HMHB1: variants seen among roughly 807,000 people sequenced by gnomAD.
The protein encoded by HMHB1 is minor histocompatibility protein HB-1.
Under a neutral mutation model 2.4 loss-of-function variants are expected in HMHB1, and 4 were observed. That is an observed-to-expected ratio of 1.65 (90% CI 0.81 to 3.77). HMHB1 has a LOEUF of 3.77. Ranked by LOEUF, HMHB1 falls within the 30% of genes most tolerant of loss-of-function variation. The pLI is 0.01. For synonymous variants in HMHB1, 22 were observed against 17.6 expected (o/e 1.25, Z -0.63); for missense variants, 57 against 44.2 (o/e 1.29, Z -0.82).
intron 1 of HMHB1, among the ~76,000 whole-genome samples, chr5:143,818,054 A>C (rs1759768815): frequency 6.6e-6 from 1 of 152,232 alleles, no homozygotes; most frequent in South Asian, 2.1e-4. Context: ...GATTTTTATC[A>C]GAAATTGACA....
At chr5:143,814,658 C>T (rs1759728740) in intron 1 of HMHB1, among the ~76,000 whole-genome samples, 1 of 152,170 alleles carries the variant, frequency 6.6e-6, no homozygotes, top group South Asian at 2.1e-4. Flanking sequence ...GGGTAATCTT[C>T]AATCGTCTCT....
intron 1 of HMHB1, among the ~76,000 whole-genome samples, chr5:143,816,567 GTATATATATAC>G (rs1214703997): frequency 2.0e-5 from 3 of 152,078 alleles, no homozygotes; most frequent in African/African-American, 7.2e-5. Flanking sequence ...GTATTCCATT[GTATATATATAC>G]CACAGTTTCT....
In HMHB1 at chr5:143,812,271, G is replaced by C. The variant is rs1297555825; in HGVS notation, c.4G>C (p.Glu2Gln). The C allele has an allele frequency of 8.4e-6, 13 of 1,551,662 alleles. No individual in the cohort carries two copies. The highest frequency in any genetic ancestry group is 9.6e-6 in the Non-Finnish European group (11 of 1,147,030). Residue 2 changes from glutamate (E) to glutamine (Q), a missense_variant, in exon 1 of 2, where the codon GAG becomes CAG. Coordinates refer to ENST00000289448, the MANE Select transcript of HMHB1 (RefSeq NM_021182.3). ...CACCACAGTGGAGAAACCAGAACTGGAGGAGCAGCCAGAATGCAGAGAAGA... is the reference window on the plus strand; with the variant it reads ...CACCACAGTGGAGAAACCAGAACTGCAGGAGCAGCCAGAATGCAGAGAAGA...
chr5:143,814,211 C>A (rs937528760), intron 1 of HMHB1, among the ~76,000 whole-genome samples: 2 of 152,162 alleles, frequency 1.3e-5, no homozygotes, highest in Non-Finnish European at 2.9e-5. Context: ...CAGGCTGCAT[C>A]CAGCCAAATA....
chr5:143,812,769 C>T (rs78743727), intron 1 of HMHB1, among the ~76,000 whole-genome samples: 1,859 of 152,268 alleles, frequency 0.012, 28 homozygotes, highest in African/African-American at 0.033. Flanking sequence ...CATCGCCATG[C>T]TCCCACTTCT....
intron 1 of HMHB1, among the ~76,000 whole-genome samples, chr5:143,814,058 A>G (rs2126792570): frequency 6.6e-6 from 1 of 152,354 alleles, no homozygotes; most frequent in South Asian, 2.1e-4. Flanking sequence ...ATTGAAGATA[A>G]AAATGTTCTA....
rs141717975 is a variant in HMHB1 at position 143,814,014 on chromosome 5, C to G, written c.37+1710C>G. Among the ~76,000 whole-genome samples the G allele has an allele frequency of 9.1e-3, 1,391 of 152,266 alleles. 13 individuals carry two copies. The highest frequency in any genetic ancestry group is 0.014 in the Non-Finnish European group (951 of 68,018). On this transcript the variant is annotated intron_variant, in intron 1 of 1. Coordinates refer to ENST00000289448, the MANE Select transcript of HMHB1 (RefSeq NM_021182.3). ...TTTGTAGCTCCAATTTCATTATTAA[C>G]TGAAATTTCATAGCATCATTCTTAC...
chr5:143,813,562 A>G (rs1027187), intron 1 of HMHB1, among the ~76,000 whole-genome samples: 32,719 of 152,184 alleles, frequency 0.21, 3,670 homozygotes, highest in Admixed American at 0.3. Context: ...TGGGGCCAGC[A>G]TAAGTCAACT....
intron 1 of HMHB1, among the ~76,000 whole-genome samples, chr5:143,819,155 G>T (rs1346300565): frequency 2.6e-5 from 4 of 152,126 alleles, no homozygotes; most frequent in African/African-American, 9.7e-5. Context: ...CACAATTCTT[G>T]ACAGATTTCT....
At chr5:143,813,476 C>A (rs1044855883) in intron 1 of HMHB1, among the ~76,000 whole-genome samples, 5 of 152,198 alleles carry the variant, frequency 3.3e-5, no homozygotes, top group Non-Finnish European at 5.9e-5. Flanking sequence ...TGGCATCTAG[C>A]ACAGTGCTTG....
chr5:143,817,735 G>A (rs1394065383), intron 1 of HMHB1, among the ~76,000 whole-genome samples: 3 of 152,130 alleles, frequency 2.0e-5, no homozygotes, highest in African/African-American at 7.2e-5. Flanking sequence ...TCCTAATTGT[G>A]TGAAGAATGA....
intron 1 of HMHB1, among the ~76,000 whole-genome samples, 162 bp from the exon 2 acceptor site, chr5:143,820,318 T>TAAAA (rs60960654): frequency 0.011 from 505 of 47,568 alleles, 6 homozygotes; most frequent in Non-Finnish European, 0.015. Context: ...TCATCATAAG[T>TAAAA]AAAAAAAAAA....
chr5:143,816,686 G>A lies in HMHB1; in HGVS notation c.38-3794G>A, dbSNP rs557700143. Reference sequence around the variant, plus strand: ...ACATGTGTGTGCAAGTATCTTTTTCGCATAATGACTTCTTTTCCTCTGGGT... The same window carrying A: ...ACATGTGTGTGCAAGTATCTTTTTCACATAATGACTTCTTTTCCTCTGGGT... On this transcript the variant is annotated intron_variant, in intron 1 of 1. Coordinates refer to ENST00000289448, the MANE Select transcript of HMHB1 (RefSeq NM_021182.3). Among the ~76,000 whole-genome samples the A allele has an allele frequency of 1.1e-4, 17 of 152,208 alleles. 1 individual carries two copies. Among genetic ancestry groups the A allele is most frequent in the East Asian group, 3.9e-4 (2 of 5,188 alleles).
intron 1 of HMHB1, among the ~76,000 whole-genome samples, chr5:143,818,681 C>A (rs1354177053): frequency 2.0e-5 from 3 of 152,148 alleles, no homozygotes; most frequent in Non-Finnish European, 4.4e-5. Flanking sequence ...GAAATAACAT[C>A]TTTTTAAAGG....
chr5:143,812,330 CAG>C (rs1395511919), intron 1 of HMHB1, 26 bp downstream of exon 1: 15 of 1,547,696 alleles, frequency 9.7e-6, no homozygotes, highest in Non-Finnish European at 9.6e-6. Flanking sequence ...GGAGGGAGAA[CAG>C]AGAGAGAGGG....
At chr5:143,812,847 G>T (rs1031691496) in intron 1 of HMHB1, among the ~76,000 whole-genome samples, 2 of 152,150 alleles carry the variant, frequency 1.3e-5, no homozygotes, top group African/African-American at 2.4e-5. Flanking sequence ...CTTGAGGGGG[G>T]TATAGCTTTC....
At chr5:143,815,945 A>T (rs1759744682) in intron 1 of HMHB1, among the ~76,000 whole-genome samples, 1 of 151,684 alleles carries the variant, frequency 6.6e-6, no homozygotes, top group Non-Finnish European at 1.5e-5. Flanking sequence ...TGACCTCATG[A>T]TCCACCCGCC....
chr5:143,818,920 A>AGGATAGAGGAGTATCGTGAGGACC (rs1759777591), intron 1 of HMHB1, among the ~76,000 whole-genome samples: 1 of 152,232 alleles, frequency 6.6e-6, no homozygotes, highest in Non-Finnish European at 1.5e-5. Context: ...GTCTGGTACA[A>AGGATAGAGGAGTATCGTGAGGACC]GGATAGAGGA....
At chr5:143,815,401 T>C (rs1471270796) in intron 1 of HMHB1, among the ~76,000 whole-genome samples, 1 of 152,244 alleles carries the variant, frequency 6.6e-6, no homozygotes, top group Non-Finnish European at 1.5e-5. Context: ...TGGTCCCATC[T>C]TCCGTCTTTA....
Sources: allele counts gnomAD v4.1 joint callset (sites outside exome capture counted in the v4.1 genomes callset), GRCh38; gene constraint gnomAD v4.1.1; transcripts MANE v1.5; gene names NCBI Gene and HGNC (gene_info 2026-07-23, HGNC 2026-07-21).